The following MAST2 variants were observed in gnomAD, a reference collection of about 807,000 sequenced individuals.
The protein encoded by MAST2 is microtubule-associated serine/threonine-protein kinase 2.
In MAST2, 70 loss-of-function variants were observed where a neutral mutation model predicts 147.4. The ratio of observed to expected loss-of-function variants is 0.47; its 90% CI spans 0.39 to 0.58. The LOEUF (loss-of-function observed/expected upper bound fraction) is 0.58. Ranked by LOEUF, MAST2 falls within the 20% of genes least tolerant of loss-of-function variation. The probability of loss-of-function intolerance (pLI) is 0.00; values close to 1 mark genes in which losing one functional copy is unlikely to be tolerated. For synonymous variants in MAST2, 869 were observed against 896.8 expected, an observed-to-expected ratio of 0.97 and a Z score of 0.55; for missense variants, 2,080 against 2,302.3, an observed-to-expected ratio of 0.90 and a Z score of 1.98.
chr1:45,941,618 T>C (rs1453976291), intron 4 of MAST2, among the ~76,000 whole-genome samples: 1 of 152,244 alleles, frequency 6.6e-6, no homozygotes, highest in African/African-American at 2.4e-5. Flanking sequence ...GTTTTGTGTG[T>C]GAATGATAAC....
chr1:46,011,193 C>G, intron 10 of MAST2: 1 of 482,656 alleles, frequency 2.1e-6, no homozygotes, highest in Non-Finnish European at 3.8e-6. Flanking sequence ...TTGTATTACG[C>G]GAAGCTCCAC....
In MAST2 at chr1:45,987,777, A is replaced by ATTTTTTTTTTTTTTTTTTTTTTT; in HGVS notation, c.593-9945_593-9923dup. On this transcript the variant is annotated intron_variant, in intron 5 of 28. Coordinates refer to ENST00000361297, the MANE Select transcript of MAST2 (RefSeq NM_015112.3). ...AGCATTTCTTGTTTTTTTTTTTTTGATTTTTTTTTTTTTTTTTTTTTTTTG... is the reference window on the plus strand; with the variant it reads ...AGCATTTCTTGTTTTTTTTTTTTTGATTTTTTTTTTTTTTTTTTTTTTTTTTTTTTTTTTTTTTTTTTTTTTTG... Among the ~76,000 whole-genome samples, 36 of 21,802 alleles carry ATTTTTTTTTTTTTTTTTTTTTTT rather than the reference A, an allele frequency of 1.7e-3. 5 individuals carry two copies. Among genetic ancestry groups the ATTTTTTTTTTTTTTTTTTTTTTT allele is most frequent in the South Asian group, 3.2e-3 (1 of 310 alleles). The allele number at this position is 21,802 out of a possible 152,430, so 14.3% of individuals were successfully genotyped here.
chr1:45,873,681 G>A (rs1298410170), intron 3 of MAST2, among the ~76,000 whole-genome samples: 1 of 152,160 alleles, frequency 6.6e-6, no homozygotes, highest in Non-Finnish European at 1.5e-5. Flanking sequence ...GAAGTAAGTA[G>A]CAGAATTGCA....
rs940593655 is a variant in MAST2, at chr1:45,839,008, CTG to C, written c.468+9429_468+9430del. The stretch of plus-strand genomic sequence containing the variant: ...TTTTCCTTTGAGACAGGGTCTCACT[CTG>C]TCATCCAGGCTGGAGTATAGGGGTG... On this transcript the variant is annotated intron_variant, in intron 3 of 28. Transcript: ENST00000361297. 5.9e-4 allele frequency among the ~76,000 whole-genome samples: 89 copies of C among 152,134 alleles called. 1 individual carries two copies. The highest frequency in any genetic ancestry group is 2.0e-3 in the African/African-American group (81 of 41,508).
At chr1:46,002,285 G>A (rs1397803669) in intron 6 of MAST2, among the ~76,000 whole-genome samples, 1 of 152,100 alleles carries the variant, frequency 6.6e-6, no homozygotes, top group Non-Finnish European at 1.5e-5. Context: ...GGTTTTATGA[G>A]TCCTAACGGC....
intron 3 of MAST2, among the ~76,000 whole-genome samples, chr1:45,878,350 A>G (rs1646697768): frequency 6.6e-6 from 1 of 152,334 alleles, no homozygotes; most frequent in African/African-American, 2.4e-5. Flanking sequence ...TATTTGACAT[A>G]ATCCATGCCC....
At chr1:45,834,745 T>G (rs1326246645) in intron 3 of MAST2, among the ~76,000 whole-genome samples, 1 of 152,152 alleles carries the variant, frequency 6.6e-6, no homozygotes, top group African/African-American at 2.4e-5. Flanking sequence ...GGAGCCTATG[T>G]TCTTCTCATC....
intron 5 of MAST2, among the ~76,000 whole-genome samples, chr1:45,994,314 C>T (rs1242447496): frequency 9.9e-6 from 1 of 100,808 alleles, no homozygotes; most frequent in Non-Finnish European, 1.9e-5. Flanking sequence ...AGGAGTTTCA[C>T]TCTGCTGCCC....
chr1:46,018,772 C>T (rs1646061749), intron 10 of MAST2, among the ~76,000 whole-genome samples: 1 of 152,114 alleles, frequency 6.6e-6, no homozygotes, highest in Non-Finnish European at 1.5e-5. Context: ...AATGTGGCTC[C>T]TAGAAACCAG....
intron 1 of MAST2, among the ~76,000 whole-genome samples, chr1:45,805,000 T>C (rs1426025168): frequency 6.6e-6 from 1 of 152,222 alleles, no homozygotes; most frequent in Non-Finnish European, 1.5e-5. Context: ...TTAAGACTTC[T>C]TATAGGTCTC....
At chr1:45,814,965 T>C (rs1440883694) in intron 1 of MAST2, among the ~76,000 whole-genome samples, 1 of 152,186 alleles carries the variant, frequency 6.6e-6, no homozygotes, top group Non-Finnish European at 1.5e-5. Flanking sequence ...CCCTAGGTTT[T>C]AGAATGTAAT....
In MAST2 at chr1:46,034,526, C is replaced by G; in HGVS notation, c.3869-12C>G. ...TGCTTTTGTCTGTCTGTCTGTCTGT[C>G]TCTGTACAAAGTGGGAGGGAATTCA... On this transcript the variant is annotated splice_polypyrimidine_tract_variant and intron_variant, in intron 28 of 28. Coordinates refer to ENST00000361297, the MANE Select transcript of MAST2 (RefSeq NM_015112.3). The G allele has an allele frequency of 6.2e-7, 1 of 1,609,186 alleles. No individual in the cohort carries two copies. The highest frequency in any genetic ancestry group is 8.5e-7 in the Non-Finnish European group (1 of 1,177,228).
chr1:45,984,371 G>A (rs908352764), intron 5 of MAST2, among the ~76,000 whole-genome samples: 2 of 150,258 alleles, frequency 1.3e-5, no homozygotes, highest in African/African-American at 2.5e-5. Context: ...TGACACAATC[G>A]TGGCTCACTG....
At position 45,945,521 on chromosome 1, in the gene MAST2, T is replaced by C. The variant is rs60154760; in HGVS notation, c.501-13865T>C. Among the ~76,000 whole-genome samples, 782 of 152,272 alleles carry C rather than the reference T, an allele frequency of 5.1e-3. 20 individuals are homozygous for C. The East Asian group carries it at 0.053, about 10-fold the overall frequency. Reference sequence around the variant, plus strand: ...TAGAAACTAACTGTGTTCTAATCTTTTCTGCTATGGAAATTTGGGCACAGG... The same window carrying C: ...TAGAAACTAACTGTGTTCTAATCTTCTCTGCTATGGAAATTTGGGCACAGG... On this transcript the variant is annotated intron_variant, in intron 4 of 28. Coordinates refer to ENST00000361297, the MANE Select transcript of MAST2 (RefSeq NM_015112.3).
chr1:46,001,438 G>A (rs1160551656), intron 6 of MAST2, among the ~76,000 whole-genome samples: 1 of 152,188 alleles, frequency 6.6e-6, no homozygotes, highest in Non-Finnish European at 1.5e-5. Flanking sequence ...TTTGACAAGG[G>A]TTTGGGAAAT....
chr1:46,011,123 G>A, intron 10 of MAST2, 184 bp downstream of exon 10: 4 of 601,846 alleles, frequency 6.6e-6, no homozygotes, highest in Non-Finnish European at 8.8e-6. Context: ...AGAGAAGCCT[G>A]CTTGGTATCA....
At chr1:46,012,011 G>T (rs928633047) in intron 10 of MAST2, among the ~76,000 whole-genome samples, 1 of 152,234 alleles carries the variant, frequency 6.6e-6, no homozygotes, top group Non-Finnish European at 1.5e-5. Flanking sequence ...AGGTGAAAAA[G>T]TAGTTCCTTC....
chr1:45,855,846 A>G (rs1323572079), intron 3 of MAST2, among the ~76,000 whole-genome samples: 1 of 151,772 alleles, frequency 6.6e-6, no homozygotes, highest in East Asian at 1.9e-4. Flanking sequence ...TTCTTTCTTT[A>G]TTGCTCTGGC....
chr1:46,030,561 G>A (rs1237871169), intron 21 of MAST2, 46 bp from the exon 22 acceptor site: 26 of 1,556,120 alleles, frequency 1.7e-5, no homozygotes, highest in South Asian at 2.4e-5. Flanking sequence ...CACTTGGGAG[G>A]TACGGCTGCC....
Sources: gnomAD v4.1 joint callset for allele counts (sites outside exome capture counted in the v4.1 genomes callset) on GRCh38, gnomAD v4.1.1 for gene constraint, MANE v1.5 for transcripts, NCBI Gene and HGNC (gene_info 2026-07-23, HGNC 2026-07-21) for gene names.